The following POLD3 variants were observed in gnomAD, a reference collection of about 807,000 sequenced individuals.
POLD3 encodes the protein DNA polymerase delta subunit 3.
A neutral mutation model predicts 58.2 loss-of-function variants in POLD3; 19 were observed. That is an observed-to-expected ratio of 0.33 (90% confidence interval 0.23 to 0.48). The LOEUF (loss-of-function observed/expected upper bound fraction) is 0.48. Ranked by LOEUF, POLD3 falls within the 20% of genes least tolerant of loss-of-function variation. POLD3 has a pLI of 0.99. For missense variants in POLD3, 504 were observed against 545.5 expected, an observed-to-expected ratio of 0.92 and a Z score of 0.76; for synonymous variants, 172 against 193.5, an observed-to-expected ratio of 0.89 and a Z score of 0.92.
Position 74,604,583 on chromosome 11 carries a change from A to G in POLD3, c.117-109A>G, listed in dbSNP as rs2031612151. On this transcript the variant is annotated intron_variant, in intron 2 of 11. Coordinates refer to ENST00000263681, the MANE Select transcript of POLD3 (RefSeq NM_006591.3). ...CAAGCAAAAATGCTACTGTTCAGAA[A>G]ATTTGATGGACTACCAGATTTCATT... 4 of 677,204 alleles carry G rather than the reference A, an allele frequency of 5.9e-6. No homozygotes were observed. In the East Asian group the frequency reaches 8.0e-5, roughly 13 times the overall value. 41.9% of individuals were successfully genotyped at this position (677,204 alleles called of 1,614,324 possible). A position where few individuals can be genotyped will look rare whatever the true frequency, so the allele number is the denominator to read the frequency against.
At chr11:74,628,107 C>G (rs970454476) in intron 8 of POLD3, among the ~76,000 whole-genome samples, 9 of 152,036 alleles carry the variant, frequency 5.9e-5, no homozygotes, top group African/African-American at 2.2e-4. Context: ...AAAACTCAGT[C>G]AAAATTTGAT....
intron 3 of POLD3, among the ~76,000 whole-genome samples, chr11:74,606,484 A>G (rs570745782): frequency 6.6e-6 from 1 of 152,284 alleles, no homozygotes; most frequent in Non-Finnish European, 1.5e-5. Flanking sequence ...AGTGCTTTTT[A>G]TTCTTTTTTT....
In POLD3 at chr11:74,649,248, C is replaced by T. The variant is rs574011034; in HGVS notation, c.369+12973C>T. Among the ~76,000 whole-genome samples, 6 of 152,286 alleles carry T rather than the reference C, an allele frequency of 3.9e-5. No homozygotes were observed. The South Asian group carries it at 1.2e-3, about 32-fold the overall frequency. ...AAATCTTACTAACACCTATTCTATG[C>T]CAGATGCTTTCATATACTTTATATC... On this transcript the variant is annotated intron_variant, in intron 4 of 4. Coordinates refer to the POLD3 transcript ENST00000524752.
intron 11 of POLD3, 102 bp downstream of exon 11, chr11:74,636,377 C>A: frequency 1.8e-6 from 2 of 1,098,522 alleles, no homozygotes; most frequent in Non-Finnish European, 2.7e-6. Flanking sequence ...CTTTAATTTA[C>A]ATGTGAATCA....
intron 11 of POLD3, chr11:74,638,660 C>CT (rs1565128832): frequency 8.8e-6 from 4 of 455,798 alleles, no homozygotes; most frequent in Non-Finnish European, 1.8e-5. Context: ...GTTCTGGGGT[C>CT]TAATTGCTGA....
At chr11:74,659,788 A>G (rs527677515) in intron 4 of POLD3, among the ~76,000 whole-genome samples, 1 of 152,234 alleles carries the variant, frequency 6.6e-6, no homozygotes, top group African/African-American at 2.4e-5. Flanking sequence ...TGTTCATATC[A>G]CTATCAGCAT....
chr11:74,601,085 G>A (rs1591289507), intron 2 of POLD3, among the ~76,000 whole-genome samples: 1 of 152,130 alleles, frequency 6.6e-6, no homozygotes, highest in East Asian at 1.9e-4. Context: ...AGAAGAACTG[G>A]GGTCAATTTG....
At position 74,620,724 on chromosome 11, in the gene POLD3, T is replaced by C. The variant is rs539370076; in HGVS notation, c.733+635T>C. On this transcript the variant is annotated intron_variant, in intron 7 of 11. Coordinates refer to ENST00000263681, the MANE Select transcript of POLD3 (RefSeq NM_006591.3). ...ATTTTCATACTTCTCATATCAAGTG[T>C]ACATCCCCTGAGAGTATGTGGTAGA... Among the ~76,000 whole-genome samples the C allele has an allele frequency of 5.3e-5, 8 of 152,334 alleles. No homozygotes were observed. In the East Asian group the frequency reaches 1.3e-3, roughly 26 times the overall value.
intron 8 of POLD3, among the ~76,000 whole-genome samples, chr11:74,627,457 T>C (rs1240585703): frequency 2.0e-5 from 3 of 152,264 alleles, no homozygotes; most frequent in African/African-American, 7.2e-5. Context: ...CTGTTTATTA[T>C]TGAAGAAAGA....
chr11:74,648,523 G>A (rs920078875), intron 4 of POLD3, among the ~76,000 whole-genome samples: 7 of 152,196 alleles, frequency 4.6e-5, no homozygotes, highest in African/African-American at 1.7e-4. Flanking sequence ...TGCTTAAACA[G>A]GTCTTGAGAA....
downstream of POLD3, among the ~76,000 whole-genome samples, chr11:74,645,375 A>G (rs185024573): frequency 2.0e-5 from 3 of 152,364 alleles, no homozygotes; most frequent in African/African-American, 4.8e-5. Flanking sequence ...GAAAGCAAGC[A>G]GTTATCAGGA....
chr11:74,652,251 G>A (rs904660673), intron 4 of POLD3, among the ~76,000 whole-genome samples: 1 of 152,182 alleles, frequency 6.6e-6, no homozygotes, highest in Non-Finnish European at 1.5e-5. Flanking sequence ...AGAGCATTAT[G>A]CTTGCATTTT....
downstream of POLD3, among the ~76,000 whole-genome samples, chr11:74,644,271 C>CT (rs2032972705): frequency 6.6e-6 from 1 of 152,232 alleles, no homozygotes; most frequent in African/African-American, 2.4e-5. Context: ...GAAACGTACT[C>CT]TGTGTCAAGA....
intron 4 of POLD3, among the ~76,000 whole-genome samples, chr11:74,650,374 C>T (rs1012980594): frequency 5.3e-5 from 8 of 152,164 alleles, no homozygotes; most frequent in Non-Finnish European, 2.9e-5. Flanking sequence ...CCACCAGCAC[C>T]CCTACCTTTC....
chr11:74,668,862 G>T (rs377194637), exon 5 of POLD3: 1 of 1,097,276 alleles, frequency 9.1e-7, no homozygotes, highest in East Asian at 5.9e-5. Flanking sequence ...GGTAGGGTAG[G>T]ATCTGAAGAT....
chr11:74,650,901 A>G (rs2135193194), intron 4 of POLD3, among the ~76,000 whole-genome samples: 1 of 152,322 alleles, frequency 6.6e-6, no homozygotes, highest in East Asian at 1.9e-4. Flanking sequence ...CACCCCACCA[A>G]GTGCACACAC....
rs2032947124 is a variant in POLD3 at position 74,642,770 on chromosome 11, G to T, written c.*2004G>T. Reference sequence around the variant, plus strand: ...CTGATGAGTCTCTTATTTGATGGATGGTAACAGTGTTGCAATTATTTAAGC... The same window carrying T: ...CTGATGAGTCTCTTATTTGATGGATTGTAACAGTGTTGCAATTATTTAAGC... On this transcript the variant is annotated 3_prime_UTR_variant, in exon 12 of 12. Coordinates refer to ENST00000263681, the MANE Select transcript of POLD3 (RefSeq NM_006591.3). 3 of 984,694 alleles carry T rather than the reference G, an allele frequency of 3.0e-6. No individual in the cohort carries two copies. Among genetic ancestry groups the T allele is most frequent in the East Asian group, 1.1e-4 (1 of 8,822 alleles). 61.0% of individuals were successfully genotyped at this position (984,694 alleles called of 1,614,324 possible). A position where few individuals can be genotyped will look rare whatever the true frequency, so the allele number is the denominator to read the frequency against.
At position 74,642,795 on chromosome 11, in the gene POLD3, C is replaced by T. The variant is rs1158313034; in HGVS notation, c.*2029C>T. ...GGTAACAGTGTTGCAATTATTTAAG[C>T]TCTGAATGGGAAGAAGGCTGGTTTT... On this transcript the variant is annotated 3_prime_UTR_variant, in exon 12 of 12. Coordinates refer to ENST00000263681, the MANE Select transcript of POLD3 (RefSeq NM_006591.3). 1 of 985,044 alleles carries T rather than the reference C, an allele frequency of 1.0e-6. No homozygotes were observed. The highest frequency in any genetic ancestry group is 1.7e-5 in the African/African-American group (1 of 57,182). 61.0% of individuals were successfully genotyped at this position (985,044 alleles called of 1,614,324 possible). A position where few individuals can be genotyped will look rare whatever the true frequency, so the allele number is the denominator to read the frequency against.
intron 4 of POLD3, among the ~76,000 whole-genome samples, chr11:74,660,499 T>A (rs548269251): frequency 2.0e-5 from 3 of 152,316 alleles, no homozygotes; most frequent in African/African-American, 7.2e-5. Context: ...TCTTTATTAT[T>A]ATTTTTTCTT....
Sources: gnomAD v4.1 joint callset for allele counts (sites outside exome capture counted in the v4.1 genomes callset) on GRCh38, gnomAD v4.1.1 for gene constraint, MANE v1.5 for transcripts, NCBI Gene and HGNC (gene_info 2026-07-23, HGNC 2026-07-21) for gene names.